DOK6: variants seen among roughly 807,000 people sequenced by gnomAD.
The protein encoded by DOK6 is downstream of tyrosine kinase 6.
DOK6 carries 22 observed loss-of-function variants against 44.0 expected under a neutral mutation model. The observed-to-expected ratio is 0.50, with a 90% CI of 0.36 to 0.71. DOK6 has a LOEUF of 0.71. DOK6 is among the 30% of genes least tolerant of loss of function. The pLI, the probability that DOK6 is intolerant of heterozygous loss-of-function variation, is 0.00. For missense variants in DOK6, 340 were observed against 416.4 expected (o/e 0.82, Z 1.60); for synonymous variants, 166 against 145.5 (o/e 1.14, Z -1.01).
At chr18:69,558,040 G>A (rs1351139008) in intron 1 of DOK6, among the ~76,000 whole-genome samples, 1 of 152,108 alleles carries the variant, frequency 6.6e-6, no homozygotes, top group Non-Finnish European at 1.5e-5. Context: ...GCTCTTTCAT[G>A]TACTCAAAGA....
chr18:69,841,470 T>C lies in DOK6; in HGVS notation c.*87T>C, dbSNP rs547057403. On this transcript the variant is annotated 3_prime_UTR_variant, in exon 8 of 8. Coordinates refer to ENST00000382713, the MANE Select transcript of DOK6 (RefSeq NM_152721.6). ...TACCCTCTGCCTCCTGGAAGACCAATTGCAGTACAAATTGAAATGGGTCGG... is the reference window on the plus strand; with the variant it reads ...TACCCTCTGCCTCCTGGAAGACCAACTGCAGTACAAATTGAAATGGGTCGG... The C allele has an allele frequency of 1.3e-5, 20 of 1,554,248 alleles. No homozygotes were observed. Among genetic ancestry groups the C allele is most frequent in the East Asian group, 2.3e-5 (1 of 43,520 alleles).
At chr18:69,815,891 T>C (rs759386037) in intron 7 of DOK6, among the ~76,000 whole-genome samples, 11 of 152,166 alleles carry the variant, frequency 7.2e-5, no homozygotes, top group Non-Finnish European at 7.4e-5. Context: ...TCATTAAGTA[T>C]ATTTACATAA....
chr18:69,429,662 T>TA (rs1337998239), intron 1 of DOK6, among the ~76,000 whole-genome samples: 1 of 117,120 alleles, frequency 8.5e-6, no homozygotes, highest in African/African-American at 3.1e-5. Flanking sequence ...TATATATATA[T>TA]ATCTTATTAA....
intron 5 of DOK6, among the ~76,000 whole-genome samples, chr18:69,733,833 C>T (rs1244349051): frequency 2.0e-5 from 3 of 152,070 alleles, no homozygotes; most frequent in Non-Finnish European, 4.4e-5. Flanking sequence ...ACGACTATTA[C>T]TGAAAAGGAG....
chr18:69,675,922 T>G (rs556024576), intron 3 of DOK6, among the ~76,000 whole-genome samples: 4 of 152,024 alleles, frequency 2.6e-5, no homozygotes, highest in Non-Finnish European at 5.9e-5. Context: ...AAAAAAGTTT[T>G]GTTTTTTGTT....
chr18:69,415,322 T>A (rs564513946), intron 1 of DOK6, among the ~76,000 whole-genome samples: 5 of 152,162 alleles, frequency 3.3e-5, no homozygotes, highest in African/African-American at 1.2e-4. Context: ...ACTTGTGAAT[T>A]GAGGAAAATA....
At chr18:69,579,613 G>A (rs536060398) in intron 2 of DOK6, among the ~76,000 whole-genome samples, 1 of 152,044 alleles carries the variant, frequency 6.6e-6, no homozygotes, top group South Asian at 2.1e-4. Context: ...CACCAGGCTG[G>A]AGTGTAGTGG....
chr18:69,416,948 G>T (rs1459866753), intron 1 of DOK6, among the ~76,000 whole-genome samples: 1 of 151,920 alleles, frequency 6.6e-6, no homozygotes. Flanking sequence ...TTATGTTTAT[G>T]GATACATAAT....
chr18:69,422,423 A>G (rs898526454), intron 1 of DOK6, among the ~76,000 whole-genome samples: 2 of 152,216 alleles, frequency 1.3e-5, no homozygotes, highest in Non-Finnish European at 1.5e-5. Flanking sequence ...CTCCAGGCCA[A>G]TGAGTCTAAA....
chr18:69,469,299 T>C (rs1980018684), intron 1 of DOK6, among the ~76,000 whole-genome samples: 1 of 152,202 alleles, frequency 6.6e-6, no homozygotes, highest in Non-Finnish European at 1.5e-5. Context: ...ATTAGATTTA[T>C]ACAAGTTTAA....
chr18:69,435,040 A>ACGGAAGGAAGGG (rs770846616), intron 1 of DOK6, among the ~76,000 whole-genome samples: 1 of 117,066 alleles, frequency 8.5e-6, no homozygotes, highest in Non-Finnish European at 1.9e-5. Flanking sequence ...GGAAGGAAGG[A>ACGGAAGGAAGGG]AGGAAGGAAG....
chr18:69,545,703 A>C (rs1982386566), intron 1 of DOK6, among the ~76,000 whole-genome samples: 1 of 151,302 alleles, frequency 6.6e-6, no homozygotes, highest in Non-Finnish European at 1.5e-5. Context: ...CTTTTCCACT[A>C]TACGAAATAA....
intron 3 of DOK6, among the ~76,000 whole-genome samples, chr18:69,635,915 G>A (rs2144650370): frequency 6.6e-6 from 1 of 152,312 alleles, no homozygotes; most frequent in Non-Finnish European, 1.5e-5. Context: ...CCCGTTTTCA[G>A]TGGAGTCCAG....
At chr18:69,807,609 A>T (rs1981091878) in intron 7 of DOK6, among the ~76,000 whole-genome samples, 1 of 151,970 alleles carries the variant, frequency 6.6e-6, no homozygotes, top group Non-Finnish European at 1.5e-5. Context: ...AACATATTCC[A>T]TGCAAATAGA....
chr18:69,807,035 G>T (rs895262630), intron 7 of DOK6, among the ~76,000 whole-genome samples: 1 of 151,850 alleles, frequency 6.6e-6, no homozygotes, highest in Non-Finnish European at 1.5e-5. Context: ...ACCACTATTT[G>T]TTACTCTCAA....
At chr18:69,649,488 T>C (rs867367339) in intron 3 of DOK6, among the ~76,000 whole-genome samples, 1 of 152,198 alleles carries the variant, frequency 6.6e-6, no homozygotes, top group Non-Finnish European at 1.5e-5. Flanking sequence ...TTGCGGCTTC[T>C]TTTAGGATAA....
chr18:69,552,060 T>C (rs1982579586), intron 1 of DOK6, among the ~76,000 whole-genome samples: 2 of 152,328 alleles, frequency 1.3e-5, no homozygotes, highest in African/African-American at 2.4e-5. Flanking sequence ...ATGATTGTTA[T>C]ATAAATTAGG....
chr18:69,513,525 T>C (rs62095296), intron 1 of DOK6, among the ~76,000 whole-genome samples: 61,376 of 151,776 alleles, frequency 0.4, 13,347 homozygotes, highest in Non-Finnish European at 0.49. Flanking sequence ...CCCTTTGTTT[T>C]CTAACCAACA....
intron 7 of DOK6, among the ~76,000 whole-genome samples, chr18:69,813,154 A>G (rs751043960): frequency 6.6e-5 from 10 of 152,134 alleles, no homozygotes; most frequent in Non-Finnish European, 1.2e-4. Flanking sequence ...CAAGGGCACT[A>G]CTTTATTTTA....
Sources: allele counts gnomAD v4.1 joint callset (sites outside exome capture counted in the v4.1 genomes callset), GRCh38; gene constraint gnomAD v4.1.1; transcripts MANE v1.5; gene names NCBI Gene and HGNC (gene_info 2026-07-23, HGNC 2026-07-21).